The following AFF3 variants were observed in gnomAD, a reference collection of about 807,000 sequenced individuals.
The protein encoded by AFF3 is AF4/FMR2 family member 3.
In AFF3, 32 loss-of-function variants were observed where a neutral mutation model predicts 129.7. That is an observed-to-expected ratio of 0.25 (90% CI 0.19 to 0.33). AFF3 has a LOEUF of 0.33. Ranked by LOEUF, AFF3 falls within the 10% of genes least tolerant of loss-of-function variation. AFF3 has a pLI of 1.00. For missense variants in AFF3, 1,373 were observed against 1,592.0 expected (o/e 0.86, Z 2.34); for synonymous variants, 644 against 635.4 (o/e 1.01, Z -0.20).
intron 11 of AFF3, among the ~76,000 whole-genome samples, chr2:99,696,715 G>GGCGCAATCATA (rs11283941): frequency 1 from 151,683 of 151,954 alleles, 75,712 homozygotes; most frequent in Middle Eastern, 1. Context: ...GGAGTGCAGT[G>GGCGCAATCATA]GCTCACTGCA....
intron 8 of AFF3, among the ~76,000 whole-genome samples, chr2:99,784,940 C>T (rs1019038109): frequency 2.6e-5 from 4 of 152,158 alleles, no homozygotes; most frequent in East Asian, 1.9e-4. Context: ...TCTTTGCTAC[C>T]GTGGCTGGCG....
chr2:99,703,588 T>C (rs984966071), intron 11 of AFF3, among the ~76,000 whole-genome samples: 2 of 152,218 alleles, frequency 1.3e-5, no homozygotes, highest in African/African-American at 2.4e-5. Context: ...CGTGTTAGGA[T>C]TGAAGTCTGC....
chr2:99,838,588 A>T (rs1689072710), intron 7 of AFF3, among the ~76,000 whole-genome samples: 1 of 152,074 alleles, frequency 6.6e-6, no homozygotes. Flanking sequence ...ACTTCTTCAA[A>T]GCCCTCACCA....
At chr2:100,043,335 G>A (rs1177242515) in intron 4 of AFF3, among the ~76,000 whole-genome samples, 1 of 152,132 alleles carries the variant, frequency 6.6e-6, no homozygotes, top group Non-Finnish European at 1.5e-5. Flanking sequence ...GCATGGTGCA[G>A]GATGCCTGTT....
intron 8 of AFF3, among the ~76,000 whole-genome samples, chr2:99,802,774 A>G (rs748495969): frequency 6.8e-6 from 1 of 146,708 alleles, no homozygotes; most frequent in African/African-American, 2.6e-5. Flanking sequence ...CTGTTGGTGT[A>G]TAGCAGTGCT....
chr2:99,593,786 G>T lies in AFF3; in HGVS notation c.1875C>A (p.Thr625=), dbSNP rs1350008112. ...GTSVVVPPEP[T]KTRPCGNNRA... ...TGTTGTTGCCACAGGGCCTGGTTTT[G>T]GTGGGCTCCGGGGGGACCACCACGC... Residue 625 remains threonine, a synonymous_variant, in exon 15 of 25, where the codon ACC becomes ACA. Transcript: ENST00000672756. 4 of 1,612,130 alleles carry T rather than the reference G, an allele frequency of 2.5e-6. No individual in the cohort carries two copies. The highest frequency in any genetic ancestry group is 3.4e-6 in the Non-Finnish European group (4 of 1,179,854).
chr2:99,705,509 A>T (rs190837283), intron 11 of AFF3, among the ~76,000 whole-genome samples: 69 of 152,248 alleles, frequency 4.5e-4, no homozygotes, highest in Admixed American at 9.2e-4. Flanking sequence ...GGTGAAAAAA[A>T]AATAGAAATT....
At chr2:99,708,142 C>T (rs1479249772) in intron 11 of AFF3, among the ~76,000 whole-genome samples, 1 of 152,122 alleles carries the variant, frequency 6.6e-6, no homozygotes, top group Non-Finnish European at 1.5e-5. Context: ...ATGGGACATA[C>T]ATATTGTAAA....
chr2:99,936,824 T>C (rs1468718379), intron 7 of AFF3, among the ~76,000 whole-genome samples: 10 of 152,212 alleles, frequency 6.6e-5, no homozygotes, highest in East Asian at 5.8e-4. Flanking sequence ...CATGCATTTT[T>C]CCCCCCTCAG....
chr2:99,619,718 G>C (rs1681805589), intron 13 of AFF3, among the ~76,000 whole-genome samples: 2 of 152,092 alleles, frequency 1.3e-5, no homozygotes, highest in South Asian at 4.1e-4. Context: ...TTGTCTTTAG[G>C]TGGATTCGCC....
intron 4 of AFF3, among the ~76,000 whole-genome samples, chr2:100,036,468 T>TA (rs1220417061): frequency 6.6e-6 from 1 of 151,966 alleles, no homozygotes; most frequent in Non-Finnish European, 1.5e-5. Context: ...ACCTTGCATT[T>TA]AAAAAAATGA....
At chr2:99,802,693 CTT>C (rs57516339) in intron 8 of AFF3, among the ~76,000 whole-genome samples, 79,309 of 122,586 alleles carry the variant, frequency 0.65, 25,579 homozygotes, top group South Asian at 0.83. Context: ...CCTAGGGTGT[CTT>C]TTTTTTTTTT....
chr2:99,771,796 G>A (rs528603893), intron 8 of AFF3, among the ~76,000 whole-genome samples: 4 of 152,248 alleles, frequency 2.6e-5, no homozygotes, highest in South Asian at 2.1e-4. Context: ...GAGGACACCC[G>A]GCCCCAAGAA....
chr2:99,731,721 AAAG>A (rs1207409526), intron 10 of AFF3, among the ~76,000 whole-genome samples: 1 of 152,248 alleles, frequency 6.6e-6, no homozygotes, highest in Non-Finnish European at 1.5e-5. Context: ...ATTAGTCACT[AAAG>A]AAGAAAGCAG....
rs199716131 is a variant in AFF3, at chr2:100,103,750, C to T, written c.53+652G>A. Among the ~76,000 whole-genome samples the T allele has an allele frequency of 4.4e-4, 67 of 151,970 alleles. 1 individual carries two copies. In the East Asian group the frequency reaches 0.012, roughly 28 times the overall value. ...CCGGGTGGGGTGGGGAGGAGGAGTG[C>T]AACTGTGACGAGGTGTGAAGAAAGG... On this transcript the variant is annotated intron_variant, in intron 4 of 24. Transcript: ENST00000672756.
chr2:99,749,370 C>T (rs1681435862), intron 9 of AFF3, among the ~76,000 whole-genome samples: 1 of 152,170 alleles, frequency 6.6e-6, no homozygotes, highest in African/African-American at 2.4e-5. Context: ...ATTACTTGCA[C>T]TTAAGCATCT....
intron 10 of AFF3, among the ~76,000 whole-genome samples, chr2:99,736,156 T>C (rs1680234907): frequency 6.6e-6 from 1 of 152,216 alleles, no homozygotes; most frequent in South Asian, 2.1e-4. Context: ...TGTTTAAATC[T>C]TATGTATCCT....
intron 18 of AFF3, among the ~76,000 whole-genome samples, chr2:99,573,889 C>T (rs555278035): frequency 6.6e-6 from 1 of 152,182 alleles, no homozygotes; most frequent in Non-Finnish European, 1.5e-5. Context: ...GGCAGGCAGC[C>T]CTGGCACCTG....
intron 12 of AFF3, among the ~76,000 whole-genome samples, chr2:99,669,470 C>A (rs914257295): frequency 3.3e-5 from 5 of 151,964 alleles, no homozygotes; most frequent in African/African-American, 9.7e-5. Flanking sequence ...ACAAAGAGTA[C>A]ATGCCGAATA....
Sources: gnomAD v4.1 joint callset for allele counts (sites outside exome capture counted in the v4.1 genomes callset) on GRCh38, gnomAD v4.1.1 for gene constraint, MANE v1.5 for transcripts, NCBI Gene and HGNC (gene_info 2026-07-23, HGNC 2026-07-21) for gene names.